ATP8B4: variants seen among roughly 807,000 people sequenced by gnomAD.
The protein encoded by ATP8B4 is ATPase phospholipid transporting 8B4 (putative), also known as probable phospholipid-transporting ATPase IM.
ATP8B4 carries 133 observed loss-of-function variants against 145.6 expected under a neutral mutation model. That is an observed-to-expected ratio of 0.91 (90% CI 0.79 to 1.05). The LOEUF is 1.05. ATP8B4 is among the 50% of genes least tolerant of loss of function. The probability of loss-of-function intolerance (pLI) is 0.00; values close to 1 mark genes in which losing one functional copy is unlikely to be tolerated. For missense variants in ATP8B4, 1,458 were observed against 1,425.2 expected (o/e 1.02, Z -0.37); for synonymous variants, 507 against 492.9 (o/e 1.03, Z -0.38).
chr15:50,142,437 C>T (rs763359561), intron 1 of ATP8B4, among the ~76,000 whole-genome samples: 5 of 152,106 alleles, frequency 3.3e-5, no homozygotes, highest in South Asian at 2.1e-4. Context: ...CACCCTGTCA[C>T]GCCCCTTCCC....
chr15:50,157,993 G>C (rs1008952018), intron 1 of ATP8B4, among the ~76,000 whole-genome samples: 1 of 152,238 alleles, frequency 6.6e-6, no homozygotes, highest in Non-Finnish European at 1.5e-5. Context: ...CTAACCGCAA[G>C]TGATCCGCCA....
chr15:49,970,709 T>C (rs1303497119), intron 13 of ATP8B4, among the ~76,000 whole-genome samples: 8 of 152,202 alleles, frequency 5.3e-5, no homozygotes, highest in Non-Finnish European at 7.3e-5. Context: ...AAGTAATTTA[T>C]AGATTCAGTG....
Position 49,972,921 on chromosome 15 carries a change from G to A in ATP8B4, c.1035-131C>T, listed in dbSNP as rs1188235542. 13 of 793,386 alleles carry A rather than the reference G, an allele frequency of 1.6e-5. No homozygotes were observed. In the South Asian group the frequency reaches 1.9e-4, roughly 11 times the overall value. 49.1% of individuals were successfully genotyped at this position (793,386 alleles called of 1,614,324 possible). On this transcript the variant is annotated intron_variant, in intron 12 of 27. Transcript: ENST00000284509. The stretch of plus-strand genomic sequence containing the variant: ...GGAAAATGTGGATGCTCTGTCCCTA[G>A]GTCCCAGGGATCTTCAGAAGCTTCT...
chr15:50,018,948 T>G, intron 6 of ATP8B4: 1 of 1,261,312 alleles, frequency 7.9e-7, no homozygotes, highest in Non-Finnish European at 1.0e-6. Context: ...CTTCCTGTCA[T>G]TAAACCCTCA....
chr15:49,898,349 G>T, intron 21 of ATP8B4, 98 bp from the exon 22 acceptor site: 1 of 1,271,650 alleles, frequency 7.9e-7, no homozygotes, highest in Non-Finnish European at 1.1e-6. Flanking sequence ...CATTTCATTT[G>T]TTTGCTAAAC....
At chr15:49,944,485 TC>T (rs1210092929) in intron 14 of ATP8B4, among the ~76,000 whole-genome samples, 3 of 152,144 alleles carry the variant, frequency 2.0e-5, no homozygotes, top group African/African-American at 7.2e-5. Context: ...TATGGACATT[TC>T]ATAAAAGGGT....
At chr15:49,865,874 G>A (rs2032709596) in intron 26 of ATP8B4, among the ~76,000 whole-genome samples, 1 of 152,158 alleles carries the variant, frequency 6.6e-6, no homozygotes, top group Non-Finnish European at 1.5e-5. Context: ...GCCACTTATG[G>A]ATTAATGTCC....
At chr15:49,987,618 A>T in intron 9 of ATP8B4, 69 bp from the exon 10 acceptor site, 2 of 1,491,198 alleles carry the variant, frequency 1.3e-6, no homozygotes, top group Middle Eastern at 1.8e-4. Context: ...AGCCCACAGC[A>T]CTGTTTTACC....
At position 49,860,509 on chromosome 15, in the gene ATP8B4, A is replaced by G. The variant is rs2031456764; in HGVS notation, c.3298-34T>C. ...AAACAGACCCAAAGTGAGATGATGC[A>G]TCCAAATGATAGACTCCAGGCAGTG... On this transcript the variant is annotated intron_variant, in intron 27 of 27. Coordinates refer to ENST00000284509, the MANE Select transcript of ATP8B4 (RefSeq NM_024837.4). 4 of 1,560,480 alleles carry G rather than the reference A, an allele frequency of 2.6e-6. No individual in the cohort carries two copies. The East Asian group carries it at 9.0e-5, about 35-fold the overall frequency.
At chr15:49,978,771 C>CACACACAT (rs1435745203) in intron 12 of ATP8B4, among the ~76,000 whole-genome samples, 1 of 147,648 alleles carries the variant, frequency 6.8e-6, no homozygotes, top group Non-Finnish European at 1.5e-5. Context: ...CACACACACA[C>CACACACAT]ACACACACAC....
chr15:49,995,133 G>A (rs1001744716), intron 9 of ATP8B4, among the ~76,000 whole-genome samples: 1 of 152,122 alleles, frequency 6.6e-6, no homozygotes, highest in African/African-American at 2.4e-5. Context: ...AAGCATCTAG[G>A]AAAGAATGGG....
intron 2 of ATP8B4, among the ~76,000 whole-genome samples, chr15:50,089,358 A>G (rs973172389): frequency 7.9e-5 from 12 of 152,326 alleles, no homozygotes; most frequent in African/African-American, 2.9e-4. Context: ...AGAATGGGAA[A>G]AAATTTTTGC....
intron 2 of ATP8B4, among the ~76,000 whole-genome samples, chr15:50,098,440 A>G (rs531661305): frequency 2.0e-5 from 3 of 151,516 alleles, no homozygotes; most frequent in Middle Eastern, 3.4e-3. Context: ...CCATGCCACC[A>G]TGCCCAGCTA....
intron 26 of ATP8B4, among the ~76,000 whole-genome samples, chr15:49,865,518 T>G (rs2153377206): frequency 6.6e-6 from 1 of 152,288 alleles, no homozygotes; most frequent in Admixed American, 6.5e-5. Context: ...CTACTAGCAT[T>G]GGAAGTGTGG....
At chr15:49,956,509 C>A (rs1567074387) in intron 14 of ATP8B4, among the ~76,000 whole-genome samples, 1 of 152,172 alleles carries the variant, frequency 6.6e-6, no homozygotes, top group East Asian at 1.9e-4. Flanking sequence ...AGTTTATAGA[C>A]AAACTGTCAT....
intron 1 of ATP8B4, among the ~76,000 whole-genome samples, chr15:50,108,777 C>T (rs2056806192): frequency 6.6e-6 from 1 of 152,170 alleles, no homozygotes; most frequent in African/African-American, 2.4e-5. Flanking sequence ...GTGAGAGCCC[C>T]TATCACTCTA....
At chr15:49,981,173 T>C (rs752244789) in intron 11 of ATP8B4, 33 bp downstream of exon 11, 12 of 1,428,182 alleles carry the variant, frequency 8.4e-6, no homozygotes, top group Non-Finnish European at 9.8e-6. Context: ...AAGATAACAA[T>C]GACTAGTGAT....
At chr15:50,044,731 T>A in intron 4 of ATP8B4, 39 bp from the exon 5 acceptor site, 1 of 1,407,226 alleles carries the variant, frequency 7.1e-7, no homozygotes, top group Non-Finnish European at 1.0e-6. Flanking sequence ...GCTTTTAAAG[T>A]TAGAAAATAT....
intron 13 of ATP8B4, among the ~76,000 whole-genome samples, chr15:49,970,583 T>C (rs1416570955): frequency 6.6e-6 from 1 of 152,088 alleles, no homozygotes; most frequent in Non-Finnish European, 1.5e-5. Context: ...AAGGACCTTT[T>C]CAAGGAGAGC....
Sources: gnomAD v4.1 joint callset for allele counts (sites outside exome capture counted in the v4.1 genomes callset) on GRCh38, gnomAD v4.1.1 for gene constraint, MANE v1.5 for transcripts, NCBI Gene and HGNC (gene_info 2026-07-23, HGNC 2026-07-21) for gene names.